TENT5D: variants seen among roughly 807,000 people sequenced by gnomAD.
TENT5D encodes the protein cancer/testis antigen 112.
For synonymous variants in TENT5D, 103 were observed against 100.6 expected (o/e 1.02, Z -0.15); for missense variants, 191 against 287.0 (o/e 0.67, Z 2.42).
intron 3 of TENT5D, among the ~76,000 whole-genome samples, chrX:80,385,012 A>G (rs1484442653): frequency 9.0e-6 from 1 of 111,569 alleles, no homozygotes; most frequent in Non-Finnish European, 1.9e-5. Context: ...TAATTTATAC[A>G]TTCAATGCCA....
intron 3 of TENT5D, among the ~76,000 whole-genome samples, chrX:80,354,375 G>C (rs1164321168): frequency 1.8e-5 from 2 of 111,099 alleles, no homozygotes; most frequent in Non-Finnish European, 3.8e-5. Context: ...TATTTCTTGG[G>C]GATTTTGTTC....
intron 3 of TENT5D, among the ~76,000 whole-genome samples, chrX:80,385,068 C>A (rs1307884109): frequency 9.0e-6 from 1 of 111,455 alleles, no homozygotes; most frequent in Admixed American, 9.6e-5. Flanking sequence ...TTGGAAAAAA[C>A]TACTTTAAAG....
chrX:80,335,722 G>C (rs1315914100), intron 2 of TENT5D: 1 of 111,595 alleles, frequency 9.0e-6, no homozygotes. Context: ...AAAAGGTATA[G>C]GGCTTTTAAC....
In TENT5D at chrX:80,393,807, T is replaced by G. The variant is rs1218423201; in HGVS notation, c.-141-44803T>G. 1.5e-4 allele frequency among the ~76,000 whole-genome samples: 17 copies of G among 112,055 alleles called. 1 individual carries two copies. Among genetic ancestry groups the G allele is most frequent in the Non-Finnish European group, 3.0e-4 (16 of 53,236 alleles). ...CCTATATAAGTGAAACCATGCAGTA[T>G]TTGTTTTTTTGTGTGTGTTTGGCTT... On this transcript the variant is annotated intron_variant, in intron 3 of 4. Transcript: ENST00000538312.
intron 3 of TENT5D, among the ~76,000 whole-genome samples, chrX:80,381,009 A>T (rs903295157): frequency 1.8e-5 from 2 of 111,877 alleles, no homozygotes; most frequent in Admixed American, 9.5e-5. Flanking sequence ...TCATGATGTT[A>T]GCTGCTTATT....
chrX:80,406,273 A>G (rs1277986316), intron 3 of TENT5D, among the ~76,000 whole-genome samples: 1 of 111,762 alleles, frequency 8.9e-6, no homozygotes, highest in African/African-American at 3.3e-5. Context: ...GAGCTGAGAG[A>G]AGAAGGCTTC....
chrX:80,413,565 C>G (rs1490429160), intron 3 of TENT5D, among the ~76,000 whole-genome samples: 1 of 111,713 alleles, frequency 9.0e-6, no homozygotes, highest in African/African-American at 3.3e-5. Context: ...CCATGCTATT[C>G]TTGTGATAGT....
chrX:80,416,338 AG>A (rs1490025114), upstream of TENT5D, among the ~76,000 whole-genome samples: 3 of 69,661 alleles, frequency 4.3e-5, no homozygotes, highest in Non-Finnish European at 2.7e-5. Flanking sequence ...GCTGGTTTGG[AG>A]GTTAATTTGC....
intron 3 of TENT5D, among the ~76,000 whole-genome samples, chrX:80,350,310 G>T (rs1321681318): frequency 1.8e-5 from 2 of 111,660 alleles, no homozygotes; most frequent in Admixed American, 1.9e-4. Context: ...CTAAGAACTT[G>T]TTTTATGAAT....
chrX:80,422,496 A>C (rs1485578493), intron 1 of TENT5D, among the ~76,000 whole-genome samples: 1 of 111,116 alleles, frequency 9.0e-6, no homozygotes, highest in Non-Finnish European at 1.9e-5. Context: ...ATTTCATTTT[A>C]TCTTTCTTTA....
intron 3 of TENT5D, among the ~76,000 whole-genome samples, chrX:80,414,677 A>G (rs1243097289): frequency 8.9e-6 from 1 of 111,938 alleles, no homozygotes; most frequent in African/African-American, 3.2e-5. Context: ...TGAGTCCTTG[A>G]TCAGCCTTCC....
intron 3 of TENT5D, among the ~76,000 whole-genome samples, chrX:80,366,498 A>G (rs1008392573): frequency 9.0e-6 from 1 of 111,525 alleles, no homozygotes; most frequent in Non-Finnish European, 1.9e-5. Flanking sequence ...CTTATTAAAG[A>G]ACTTTTTGTA....
At chrX:80,401,214 ATG>A (rs749605538) in intron 3 of TENT5D, among the ~76,000 whole-genome samples, 1 of 111,646 alleles carries the variant, frequency 9.0e-6, no homozygotes, top group African/African-American at 3.2e-5. Context: ...TCTTTGGAAA[ATG>A]TGTTGTTAAT....
At chrX:80,441,031 T>C (rs1932272574) in intron 2 of TENT5D, among the ~76,000 whole-genome samples, 2 of 111,181 alleles carry the variant, frequency 1.8e-5, no homozygotes, top group African/African-American at 3.2e-5. Context: ...GCTATATAGA[T>C]CATTTCATTC....
In TENT5D at chrX:80,359,206, G is replaced by A. The variant is rs757488381; in HGVS notation, c.-142+16642G>A. ...TAGGAACGCTTTTACACTGTTGGTGGGAGTGTAAATTCAACCATTGTGGAA... is the reference window on the plus strand; with the variant it reads ...TAGGAACGCTTTTACACTGTTGGTGAGAGTGTAAATTCAACCATTGTGGAA... On this transcript the variant is annotated intron_variant, in intron 3 of 4. Transcript: ENST00000538312. 2.7e-5 allele frequency among the ~76,000 whole-genome samples: 3 copies of A among 111,652 alleles called. No homozygotes were observed. In the South Asian group the frequency reaches 1.1e-3, roughly 42 times the overall value.
upstream of TENT5D, among the ~76,000 whole-genome samples, chrX:80,418,394 C>T (rs1931819515): frequency 9.0e-6 from 1 of 111,322 alleles, no homozygotes; most frequent in African/African-American, 3.3e-5. Flanking sequence ...TCAACAGATC[C>T]TCTTGCTTCA....
At chrX:80,445,013 G>A (rs1195678414) in exon 3 of TENT5D, 1 of 122,213 alleles carries the variant, frequency 8.2e-6, no homozygotes, top group Non-Finnish European at 1.9e-5. Context: ...TTCCATTTCA[G>A]TTTTTATTGA....
chrX:80,360,785 T>C (rs896285702), intron 3 of TENT5D, among the ~76,000 whole-genome samples: 1 of 111,999 alleles, frequency 8.9e-6, no homozygotes, highest in African/African-American at 3.2e-5. Context: ...TAACTGTCCA[T>C]ATTGAAGTAA....
chrX:80,351,414 T>C (rs775845805), intron 3 of TENT5D, among the ~76,000 whole-genome samples: 1 of 107,414 alleles, frequency 9.3e-6, no homozygotes, highest in Non-Finnish European at 1.9e-5. Context: ...CAGTCTCTGA[T>C]ATTCTTTCTT....
Sources: allele counts gnomAD v4.1 joint callset (sites outside exome capture counted in the v4.1 genomes callset), GRCh38; gene constraint gnomAD v4.1.1; transcripts MANE v1.5; gene names NCBI Gene and HGNC (gene_info 2026-07-23, HGNC 2026-07-21).